The following NWD2 variants were observed in gnomAD, a reference collection of about 807,000 sequenced individuals.
NWD2 encodes the protein NACHT and WD repeat domain-containing protein 2.
NWD2 carries 37 observed loss-of-function variants against 132.7 expected under a neutral mutation model. That is an observed-to-expected ratio of 0.28 (90% CI 0.21 to 0.37). The LOEUF is 0.37. Ranked by LOEUF, NWD2 falls within the 10% of genes least tolerant of loss-of-function variation. NWD2 has a pLI of 1.00. For synonymous variants in NWD2, 705 were observed against 803.0 expected, an observed-to-expected ratio of 0.88 and a Z score of 2.06; for missense variants, 1,592 against 2,122.4, an observed-to-expected ratio of 0.75 and a Z score of 4.91.
At chr4:37,291,605 T>A (rs959993760) in intron 1 of NWD2, among the ~76,000 whole-genome samples, 5 of 152,108 alleles carry the variant, frequency 3.3e-5, no homozygotes, top group Non-Finnish European at 5.9e-5. Flanking sequence ...TTTAATGGAT[T>A]AAAAGGAAAC....
chr4:37,412,023 A>G (rs1173643350), intron 3 of NWD2, among the ~76,000 whole-genome samples: 1 of 152,246 alleles, frequency 6.6e-6, no homozygotes, highest in Non-Finnish European at 1.5e-5. Context: ...CCCACAGCCA[A>G]TATCATACTG....
intron 3 of NWD2, among the ~76,000 whole-genome samples, chr4:37,389,359 A>G (rs941037741): frequency 1.4e-4 from 22 of 152,218 alleles, no homozygotes; most frequent in African/African-American, 4.8e-4. Context: ...TACAGGTTTA[A>G]TGTGTATTAA....
intron 2 of NWD2, among the ~76,000 whole-genome samples, chr4:37,343,513 G>A (rs2109295785): frequency 6.6e-6 from 1 of 152,296 alleles, no homozygotes; most frequent in East Asian, 1.9e-4. Flanking sequence ...CAAGTACAAA[G>A]CGACAAGATT....
At chr4:37,325,759 A>G (rs1490345796) in intron 1 of NWD2, among the ~76,000 whole-genome samples, 177 bp from the exon 2 acceptor site, 2 of 152,054 alleles carry the variant, frequency 1.3e-5, no homozygotes, top group East Asian at 3.9e-4. Context: ...TGATGGATGG[A>G]TCTCTGTGGA....
intron 4 of NWD2, 21 bp downstream of exon 4, chr4:37,430,796 G>T: frequency 6.5e-7 from 1 of 1,539,972 alleles, no homozygotes. Flanking sequence ...TTTCCCTCAA[G>T]CCTATGGATC....
At chr4:37,397,216 T>C (rs1560412352) in intron 3 of NWD2, among the ~76,000 whole-genome samples, 1 of 152,156 alleles carries the variant, frequency 6.6e-6, no homozygotes, top group Non-Finnish European at 1.5e-5. Flanking sequence ...TGCAATAGCC[T>C]ATTGCCCTTC....
chr4:37,312,218 G>T (rs963115464), intron 1 of NWD2, among the ~76,000 whole-genome samples: 1 of 151,492 alleles, frequency 6.6e-6, no homozygotes, highest in Non-Finnish European at 1.5e-5. Flanking sequence ...ATTACCTTGG[G>T]CAGTATGGCC....
At chr4:37,359,328 G>T (rs779207049) in intron 3 of NWD2, among the ~76,000 whole-genome samples, 20 of 151,886 alleles carry the variant, frequency 1.3e-4, no homozygotes, top group Non-Finnish European at 1.9e-4. Context: ...ATAGAGCTAG[G>T]ATTATTCACC....
At chr4:37,249,380 G>A (rs1717307448) in intron 1 of NWD2, among the ~76,000 whole-genome samples, 1 of 152,176 alleles carries the variant, frequency 6.6e-6, no homozygotes, top group Admixed American at 6.5e-5. Context: ...TTAACTCTGG[G>A]CAAGGGAGTT....
chr4:37,305,479 C>T (rs55735876), intron 1 of NWD2, among the ~76,000 whole-genome samples: 24,555 of 152,214 alleles, frequency 0.16, 2,398 homozygotes, highest in South Asian at 0.33. Flanking sequence ...TTAAATATAA[C>T]TTCCAGTTTC....
Position 37,447,446 on chromosome 4 carries a change from C to T in NWD2, c.*229C>T. 1.8e-6 allele frequency: 1 copy of T among 541,378 alleles called. No homozygotes were observed. The allele number at this position is 541,378 out of a possible 1,614,324, so 33.5% of individuals were successfully genotyped here. A position where few individuals can be genotyped will look rare whatever the true frequency, so the allele number is the denominator to read the frequency against. ...TCTAGTAGTAATATTTAAATGGTTA[C>T]TTCATCTGAAAGGCAGAGGCTAAAA... On this transcript the variant is annotated 3_prime_UTR_variant, in exon 7 of 7. Transcript: ENST00000309447.
chr4:37,418,136 T>C (rs916470690), intron 3 of NWD2, among the ~76,000 whole-genome samples: 2 of 151,992 alleles, frequency 1.3e-5, no homozygotes, highest in South Asian at 4.1e-4. Flanking sequence ...TACCAGGAAG[T>C]AAGGAGTTCT....
chr4:37,435,573 G>A (rs1300387873), intron 5 of NWD2, among the ~76,000 whole-genome samples: 1 of 152,042 alleles, frequency 6.6e-6, no homozygotes, highest in African/African-American at 2.4e-5. Context: ...TTCAAGAGCT[G>A]TCTTAGAAAA....
At chr4:37,383,649 T>A (rs55810957) in intron 3 of NWD2, among the ~76,000 whole-genome samples, 21,167 of 152,156 alleles carry the variant, frequency 0.14, 1,800 homozygotes, top group South Asian at 0.22. Flanking sequence ...ACCTAGGAAT[T>A]CTTTGAGTGT....
intron 4 of NWD2, among the ~76,000 whole-genome samples, chr4:37,432,637 G>T (rs1712211122): frequency 6.6e-6 from 1 of 152,038 alleles, no homozygotes; most frequent in African/African-American, 2.4e-5. Flanking sequence ...GAAGTCCTTT[G>T]TAAAATCTAC....
intron 3 of NWD2, among the ~76,000 whole-genome samples, chr4:37,424,728 C>A (rs1270938961): frequency 6.6e-6 from 1 of 152,162 alleles, no homozygotes; most frequent in Non-Finnish European, 1.5e-5. Context: ...TCACGCCCAA[C>A]AAAACATGGC....
chr4:37,369,422 C>T (rs1720171112), intron 3 of NWD2, among the ~76,000 whole-genome samples: 1 of 152,106 alleles, frequency 6.6e-6, no homozygotes, highest in East Asian at 1.9e-4. Flanking sequence ...CCCCCACTTC[C>T]CTGTCTCTAT....
intron 3 of NWD2, among the ~76,000 whole-genome samples, chr4:37,397,035 A>G (rs1720805344): frequency 1.9e-4 from 1 of 5,346 alleles, no homozygotes; most frequent in Non-Finnish European, 1.6e-3. Flanking sequence ...CTCTGTTGCA[A>G]AAAAAAAAAG....
chr4:37,286,194 T>C (rs1265711802), intron 1 of NWD2, among the ~76,000 whole-genome samples: 2 of 152,244 alleles, frequency 1.3e-5, no homozygotes, highest in African/African-American at 4.8e-5. Flanking sequence ...AAGTTAATCA[T>C]TTTCGGTGTT....
Sources: gnomAD v4.1 joint callset for allele counts (sites outside exome capture counted in the v4.1 genomes callset) on GRCh38, gnomAD v4.1.1 for gene constraint, MANE v1.5 for transcripts, NCBI Gene and HGNC (gene_info 2026-07-23, HGNC 2026-07-21) for gene names.